Variants in CFAP54 observed in about 807,000 individuals in gnomAD.
The protein encoded by CFAP54 is cilia and flagella associated protein 54.
Under a neutral mutation model 370.4 loss-of-function variants are expected in CFAP54, and 290 were observed. The observed-to-expected ratio is 0.78, with a 90% CI of 0.71 to 0.86. The LOEUF is 0.86. Ranked by LOEUF, CFAP54 falls within the 40% of genes least tolerant of loss-of-function variation. The pLI, the probability that CFAP54 is intolerant of heterozygous loss-of-function variation, is 0.00. For synonymous variants in CFAP54, 1,206 were observed against 1,236.5 expected, an observed-to-expected ratio of 0.98 and a Z score of 0.52; for missense variants, 3,399 against 3,528.7, an observed-to-expected ratio of 0.96 and a Z score of 0.93.
intron 15 of CFAP54, among the ~76,000 whole-genome samples, chr12:96,551,610 C>T (rs1282606437): frequency 6.6e-6 from 1 of 151,562 alleles, no homozygotes; most frequent in Non-Finnish European, 1.5e-5. Context: ...CAATACATTG[C>T]ATTAGCTGAT....
chr12:96,569,226 C>A (rs1447857559), intron 19 of CFAP54, among the ~76,000 whole-genome samples: 1 of 152,124 alleles, frequency 6.6e-6, no homozygotes, highest in Non-Finnish European at 1.5e-5. Flanking sequence ...TGTACAGCAT[C>A]CATTTCCCCT....
At chr12:96,650,315 C>T (rs1247846310) in intron 35 of CFAP54, among the ~76,000 whole-genome samples, 1 of 152,104 alleles carries the variant, frequency 6.6e-6, no homozygotes, top group Non-Finnish European at 1.5e-5. Context: ...CAGCCATCCA[C>T]CCAGAGCCCA....
intron 26 of CFAP54, among the ~76,000 whole-genome samples, chr12:96,611,721 C>T (rs532155987): frequency 3.3e-5 from 5 of 152,280 alleles, no homozygotes; most frequent in African/African-American, 4.8e-5. Flanking sequence ...AACCATGACA[C>T]GAGAACTACT....
chr12:96,492,303 C>T (rs1478021945), intron 1 of CFAP54, among the ~76,000 whole-genome samples: 2 of 152,198 alleles, frequency 1.3e-5, no homozygotes, highest in Non-Finnish European at 2.9e-5. Context: ...GGTGTTGACC[C>T]TGCCTGCCTT....
At chr12:96,860,699 G>A in intron 66 of CFAP54, 120 bp from the exon 67 acceptor site, 1 of 1,013,308 alleles carries the variant, frequency 9.9e-7, no homozygotes, top group South Asian at 1.8e-5. Flanking sequence ...CCTTACCTGA[G>A]ACACACAAGT....
At chr12:96,579,329 C>T (rs1049955558) in intron 20 of CFAP54, among the ~76,000 whole-genome samples, 16 of 152,026 alleles carry the variant, frequency 1.1e-4, no homozygotes, top group African/African-American at 3.1e-4. Context: ...GACAAAGATG[C>T]GGAAACTTGC....
intron 66 of CFAP54, among the ~76,000 whole-genome samples, chr12:96,839,431 C>T (rs1195309937): frequency 6.6e-6 from 1 of 152,124 alleles, no homozygotes; most frequent in African/African-American, 2.4e-5. Context: ...AGCAGAAGAA[C>T]AACACGAAGT....
intron 44 of CFAP54, among the ~76,000 whole-genome samples, chr12:96,692,038 T>G (rs2136565451): frequency 6.6e-6 from 1 of 152,102 alleles, no homozygotes; most frequent in East Asian, 1.9e-4. Flanking sequence ...TTTTCTGCTT[T>G]TTTCCCTTTC....
chr12:96,870,143 C>T (rs998887492), intron 67 of CFAP54, among the ~76,000 whole-genome samples: 5 of 151,592 alleles, frequency 3.3e-5, no homozygotes, highest in Non-Finnish European at 5.9e-5. Context: ...TGCCTGTAGT[C>T]GCAGCTACTC....
At chr12:96,759,843 A>G (rs1463372355) in intron 58 of CFAP54, among the ~76,000 whole-genome samples, 3 of 152,218 alleles carry the variant, frequency 2.0e-5, no homozygotes, top group African/African-American at 7.2e-5. Flanking sequence ...CTTGTATGTA[A>G]TAAGTACTTA....
chr12:96,707,843 A>T (rs1244433240), intron 47 of CFAP54, among the ~76,000 whole-genome samples: 1 of 152,062 alleles, frequency 6.6e-6, no homozygotes, highest in Non-Finnish European at 1.5e-5. Flanking sequence ...AAGCAAGGTC[A>T]TTGGCTGGGA....
intron 67 of CFAP54, among the ~76,000 whole-genome samples, chr12:96,873,804 G>C (rs901129520): frequency 1.3e-5 from 2 of 152,052 alleles, no homozygotes; most frequent in African/African-American, 4.8e-5. Context: ...ATTATTATTT[G>C]TATTTTTCTC....
chr12:96,541,555 G>A (rs957199319), intron 14 of CFAP54, among the ~76,000 whole-genome samples: 1 of 152,070 alleles, frequency 6.6e-6, no homozygotes, highest in East Asian at 1.9e-4. Context: ...CAAAGGGCTG[G>A]GATTACAGAT....
intron 33 of CFAP54, 117 bp downstream of exon 33, chr12:96,644,525 C>A: frequency 1.4e-6 from 1 of 705,602 alleles, no homozygotes; most frequent in South Asian, 1.9e-5. Context: ...GTGCTTCTAT[C>A]TTTATACTGG....
intron 66 of CFAP54, among the ~76,000 whole-genome samples, chr12:96,854,311 TA>T (rs1565762208): frequency 6.6e-6 from 1 of 152,062 alleles, no homozygotes; most frequent in Admixed American, 6.5e-5. Context: ...TTTTTCTGAA[TA>T]AAAAATAGTA....
At chr12:96,535,416 T>C (rs1420851893) in intron 11 of CFAP54, 99 bp from the exon 12 acceptor site, 1 of 693,754 alleles carries the variant, frequency 1.4e-6, no homozygotes, top group Non-Finnish European at 2.4e-6. Flanking sequence ...GCCTATCATT[T>C]GTGTCATTTT....
intron 52 of CFAP54, among the ~76,000 whole-genome samples, chr12:96,742,996 A>G (rs537963469): frequency 7.2e-5 from 11 of 152,306 alleles, no homozygotes; most frequent in African/African-American, 2.4e-4. Flanking sequence ...ACCCTGTAAA[A>G]TGGAGACAAT....
intron 60 of CFAP54, among the ~76,000 whole-genome samples, chr12:96,765,702 A>G (rs1241608387): frequency 1.3e-5 from 2 of 152,400 alleles, no homozygotes; most frequent in East Asian, 3.9e-4. Flanking sequence ...TTTCATCTAC[A>G]GCAAATTGCA....
chr12:96,630,075 C>A lies in CFAP54; in HGVS notation c.4104-18C>A. ...AATTTTTGCAGGTCTTTTTGACTGACTTTATCTTTTTTATTAGGAGAAATG... is the reference window on the plus strand; with the variant it reads ...AATTTTTGCAGGTCTTTTTGACTGAATTTATCTTTTTTATTAGGAGAAATG... On this transcript the variant is annotated intron_variant, in intron 30 of 67. Coordinates refer to ENST00000524981, the MANE Select transcript of CFAP54 (RefSeq NM_001306084.2). 3 of 1,329,026 alleles carry A rather than the reference C, an allele frequency of 2.3e-6. No individual in the cohort carries two copies. Among genetic ancestry groups the A allele is most frequent in the Non-Finnish European group, 2.0e-6 (2 of 991,580 alleles). The allele number at this position is 1,329,026 out of a possible 1,614,324, so 82.3% of individuals were successfully genotyped here. A position where few individuals can be genotyped will look rare whatever the true frequency, so the allele number is the denominator to read the frequency against.
Sources: gnomAD v4.1 joint callset for allele counts (sites outside exome capture counted in the v4.1 genomes callset) on GRCh38, gnomAD v4.1.1 for gene constraint, MANE v1.5 for transcripts, NCBI Gene and HGNC (gene_info 2026-07-23, HGNC 2026-07-21) for gene names.